The following PGBD5 variants were observed in gnomAD, a reference collection of about 807,000 sequenced individuals.
The protein encoded by PGBD5 is piggyBac transposable element-derived protein 5.
Under a neutral mutation model 47.9 loss-of-function variants are expected in PGBD5, and 14 were observed. That is an observed-to-expected ratio of 0.29 (90% CI 0.19 to 0.46). The LOEUF (loss-of-function observed/expected upper bound fraction) is 0.46. Among genes scored for constraint, PGBD5 ranks in the 20% least tolerant of loss-of-function variants. PGBD5 has a pLI of 1.00. For synonymous variants in PGBD5, 316 were observed against 306.3 expected, an observed-to-expected ratio of 1.03 and a Z score of -0.33; for missense variants, 635 against 716.0, an observed-to-expected ratio of 0.89 and a Z score of 1.29.
chr1:230,366,729 G>A (rs1667839408), intron 1 of PGBD5, among the ~76,000 whole-genome samples: 1 of 152,090 alleles, frequency 6.6e-6, no homozygotes, highest in African/African-American at 2.4e-5. Context: ...AGTGGGATGA[G>A]GTGGCTTGCA....
intron 1 of PGBD5, among the ~76,000 whole-genome samples, chr1:230,383,647 G>A (rs759017441): frequency 7.9e-5 from 12 of 152,124 alleles, no homozygotes; most frequent in Non-Finnish European, 1.5e-4. Context: ...GCTTTCCAAT[G>A]TGCTGGGATT....
chr1:230,363,834 CA>C (rs1264465772), intron 1 of PGBD5, among the ~76,000 whole-genome samples: 1 of 149,930 alleles, frequency 6.7e-6, no homozygotes, highest in Non-Finnish European at 1.5e-5. Context: ...TGCAACACCA[CA>C]AAAATATTCC....
At chr1:230,364,394 G>A (rs956420682) in intron 1 of PGBD5, among the ~76,000 whole-genome samples, 2 of 152,200 alleles carry the variant, frequency 1.3e-5, no homozygotes, top group East Asian at 3.8e-4. Context: ...CTCCTAAATG[G>A]TATCTTCCAA....
chr1:230,333,363 T>A (rs1331162841), intron 4 of PGBD5, among the ~76,000 whole-genome samples: 1 of 152,166 alleles, frequency 6.6e-6, no homozygotes, highest in Non-Finnish European at 1.5e-5. Context: ...CACTTGGGTG[T>A]CCAGCACAGC....
chr1:230,372,145 A>C (rs967675989), intron 1 of PGBD5, among the ~76,000 whole-genome samples: 1 of 152,246 alleles, frequency 6.6e-6, no homozygotes, highest in Non-Finnish European at 1.5e-5. Context: ...TTCTAATGTC[A>C]TCAGCCCAGA....
At chr1:230,350,415 C>A (rs1667542749) in intron 3 of PGBD5, among the ~76,000 whole-genome samples, 1 of 152,218 alleles carries the variant, frequency 6.6e-6, no homozygotes, top group African/African-American at 2.4e-5. Context: ...GCTCCAAGGT[C>A]CTATGACTCG....
rs1657745429 is a variant in PGBD5 at position 230,425,145 on chromosome 1, G to A, written c.331+453C>T. Among the ~76,000 whole-genome samples, 1 of 151,968 alleles carries A rather than the reference G, an allele frequency of 6.6e-6. No homozygotes were observed. Among genetic ancestry groups the A allele is most frequent in the African/African-American group, 2.4e-5 (1 of 41,364 alleles). ...ACTCTCACTGGGCCAACTCCTACCT[G>A]CCTCGCCCGCGTCACCTGCTGTAAG... On this transcript the variant is annotated intron_variant, in intron 1 of 6. Transcript: ENST00000391860. This position sits in a 1 kb window ranked among gnomAD's most constrained non-coding sequence, Gnocchi z 4.7.
At chr1:230,381,314 C>A (rs544937394) in intron 1 of PGBD5, among the ~76,000 whole-genome samples, 37 of 152,330 alleles carry the variant, frequency 2.4e-4, no homozygotes, top group South Asian at 6.2e-4. Context: ...AGACTGGCAT[C>A]CCAGGCAACC....
At position 230,315,031 on chromosome 1, in the gene PGBD5, T is replaced by C. The variant is rs1051814; in HGVS notation, c.*8394A>G. ...AGCCTCCCCCTGAGAGAGCCAGTTG[T>C]GTTCATGATTTTGGTTCCTTCTTCC... On this transcript the variant is annotated 3_prime_UTR_variant, in exon 7 of 7. Coordinates refer to ENST00000391860, the MANE Select transcript of PGBD5 (RefSeq NM_001258311.2). 0.48 allele frequency: 72,457 copies of C among 151,670 alleles called. 19,680 individuals carry two copies. Among genetic ancestry groups the C allele is most frequent in the Non-Finnish European group, 0.59 (40,354 of 67,902 alleles). 9.4% of individuals were successfully genotyped at this position (151,670 alleles called of 1,614,324 possible).
At chr1:230,406,329 A>C (rs1022703368) in intron 1 of PGBD5, among the ~76,000 whole-genome samples, 20 of 151,670 alleles carry the variant, frequency 1.3e-4, no homozygotes, top group African/African-American at 4.6e-4. Flanking sequence ...AAAAAAAAAA[A>C]AAAAAGAAAT....
chr1:230,387,363 T>C (rs1656665060), intron 1 of PGBD5, among the ~76,000 whole-genome samples: 1 of 152,084 alleles, frequency 6.6e-6, no homozygotes, highest in African/African-American at 2.4e-5. Context: ...TATTAAGGAG[T>C]CAGCATGGTT....
chr1:230,406,181 G>A (rs911732043), intron 1 of PGBD5, among the ~76,000 whole-genome samples: 44 of 151,898 alleles, frequency 2.9e-4, no homozygotes, highest in Non-Finnish European at 4.1e-4. Flanking sequence ...GGTGGCGGGC[G>A]CCTGTAGTCC....
At chr1:230,337,379 A>G (rs1479492254) in intron 3 of PGBD5, 91 bp from the exon 4 acceptor site, 12 of 1,256,208 alleles carry the variant, frequency 9.6e-6, no homozygotes, top group African/African-American at 1.5e-5. Flanking sequence ...CATGGGTCTC[A>G]GTCATCCAGT....
At chr1:230,348,742 G>A (rs528693919) in intron 3 of PGBD5, among the ~76,000 whole-genome samples, 6 of 152,274 alleles carry the variant, frequency 3.9e-5, no homozygotes, top group Admixed American at 6.5e-5. Flanking sequence ...CTTTCCCTGC[G>A]CTGTGCCTGC....
At chr1:230,336,872 G>C (rs1351252456) in intron 4 of PGBD5, among the ~76,000 whole-genome samples, 1 of 152,178 alleles carries the variant, frequency 6.6e-6, no homozygotes, top group Non-Finnish European at 1.5e-5. Context: ...GCTTTGCGCC[G>C]ACATGTCCTC....
intron 3 of PGBD5, among the ~76,000 whole-genome samples, chr1:230,345,206 G>A (rs1467030572): frequency 2.0e-5 from 3 of 152,138 alleles, no homozygotes; most frequent in African/African-American, 4.8e-5. Flanking sequence ...TTTCCCGCTG[G>A]AGCCTCGATC....
intron 2 of PGBD5, among the ~76,000 whole-genome samples, chr1:230,352,875 A>G (rs1667579264): frequency 6.6e-6 from 1 of 152,180 alleles, no homozygotes; most frequent in Admixed American, 6.5e-5. Context: ...TTCCCTGCCC[A>G]ATGATCCTTG....
intron 1 of PGBD5, among the ~76,000 whole-genome samples, chr1:230,384,839 T>C (rs115904377): frequency 0.016 from 2,482 of 152,314 alleles, 62 homozygotes; most frequent in African/African-American, 0.056. Flanking sequence ...TTAGTAGTGC[T>C]TAACCCATTG....
chr1:230,362,758 G>A (rs1438800844), intron 1 of PGBD5, among the ~76,000 whole-genome samples: 1 of 152,182 alleles, frequency 6.6e-6, no homozygotes, highest in Non-Finnish European at 1.5e-5. Context: ...TTGACCGTTG[G>A]ATGACAAAGG....
Sources: allele counts gnomAD v4.1 joint callset (sites outside exome capture counted in the v4.1 genomes callset), GRCh38; gene constraint gnomAD v4.1.1; non-coding constraint Gnocchi (gnomAD v3.1); transcripts MANE v1.5; gene names NCBI Gene and HGNC (gene_info 2026-07-23, HGNC 2026-07-21).